Variants in LDB2 observed in about 807,000 individuals in gnomAD.
LDB2 encodes LIM domain-binding protein 2.
Under a neutral mutation model 44.3 loss-of-function variants are expected in LDB2, and 12 were observed. That is an observed-to-expected ratio of 0.27 (90% confidence interval 0.17 to 0.44). LDB2 has a LOEUF of 0.44. Among genes scored for constraint, LDB2 ranks in the 20% least tolerant of loss-of-function variants. The pLI is 1.00. For synonymous variants in LDB2, 164 were observed against 174.8 expected (o/e 0.94, Z 0.49); for missense variants, 344 against 473.5 (o/e 0.73, Z 2.54).
intron 5 of LDB2, among the ~76,000 whole-genome samples, chr4:16,585,484 T>A (rs1315859449): frequency 2.0e-5 from 3 of 152,174 alleles, no homozygotes; most frequent in Admixed American, 2.0e-4. Flanking sequence ...CTTAGAAATA[T>A]CTGTGTTTCA....
At chr4:16,567,365 AGAGT>A (rs984128097) in intron 5 of LDB2, among the ~76,000 whole-genome samples, 36 of 87,598 alleles carry the variant, frequency 4.1e-4, no homozygotes, top group East Asian at 3.2e-3. Context: ...CTGCAGACAT[AGAGT>A]GTGTGTGTGT....
chr4:16,797,599 C>T (rs1382206952), intron 1 of LDB2, among the ~76,000 whole-genome samples: 1 of 152,048 alleles, frequency 6.6e-6, no homozygotes, highest in East Asian at 1.9e-4. Flanking sequence ...CTGTTACATT[C>T]TCGGGTCCTA....
intron 2 of LDB2, among the ~76,000 whole-genome samples, chr4:16,741,226 G>A (rs933211077): frequency 5.3e-5 from 8 of 152,134 alleles, no homozygotes; most frequent in Admixed American, 2.6e-4. Context: ...AAAGCACTAC[G>A]GTTTGTCAAC....
intron 2 of LDB2, among the ~76,000 whole-genome samples, chr4:16,644,582 C>G (rs1736156489): frequency 1.3e-5 from 2 of 152,096 alleles, no homozygotes. Flanking sequence ...CATGTGCCAC[C>G]ATGCCCAGCT....
At chr4:16,558,790 A>AC (rs1740835716) in intron 5 of LDB2, among the ~76,000 whole-genome samples, 1 of 152,198 alleles carries the variant, frequency 6.6e-6, no homozygotes, top group Non-Finnish European at 1.5e-5. Flanking sequence ...GAAGGAAAAA[A>AC]TGTTAAGGGC....
chr4:16,579,021 G>C (rs1010553620), intron 5 of LDB2, among the ~76,000 whole-genome samples: 1 of 152,152 alleles, frequency 6.6e-6, no homozygotes, highest in Non-Finnish European at 1.5e-5. Context: ...TAGAGAGTGG[G>C]GATGGTCACC....
intron 5 of LDB2, among the ~76,000 whole-genome samples, chr4:16,561,801 G>T (rs11931201): frequency 6.6e-6 from 1 of 152,128 alleles, no homozygotes; most frequent in Non-Finnish European, 1.5e-5. Flanking sequence ...GAGGCATCAC[G>T]CTACCTGACT....
intron 1 of LDB2, among the ~76,000 whole-genome samples, chr4:16,783,237 G>A (rs146100804): frequency 1.7e-3 from 261 of 152,324 alleles, no homozygotes; most frequent in African/African-American, 5.8e-3. Context: ...GTCTGAGGCC[G>A]GAAGAGCTCC....
At chr4:16,808,577 A>T (rs889104300) in intron 1 of LDB2, among the ~76,000 whole-genome samples, 1 of 152,220 alleles carries the variant, frequency 6.6e-6, no homozygotes, top group African/African-American at 2.4e-5. Context: ...CTAATGGAAG[A>T]TTCAAAGGAG....
chr4:16,667,880 T>A (rs147154118), intron 2 of LDB2, among the ~76,000 whole-genome samples: 4 of 152,188 alleles, frequency 2.6e-5, no homozygotes. Context: ...TGGCATGGCA[T>A]GTGTGGCCAA....
intron 2 of LDB2, among the ~76,000 whole-genome samples, chr4:16,699,679 G>A (rs157610): frequency 0.51 from 77,009 of 152,006 alleles, 19,768 homozygotes; most frequent in East Asian, 0.78. Context: ...AATAAAAACT[G>A]TAGAGAAAAG....
intron 2 of LDB2, among the ~76,000 whole-genome samples, chr4:16,629,735 G>C (rs112740634): frequency 1.3e-5 from 2 of 152,022 alleles, no homozygotes; most frequent in African/African-American, 4.8e-5. Context: ...GTGTACAGAA[G>C]AGCTTCAATG....
chr4:16,557,693 C>G (rs532932017), intron 5 of LDB2, among the ~76,000 whole-genome samples: 55 of 152,310 alleles, frequency 3.6e-4, no homozygotes, highest in African/African-American at 1.2e-3. Flanking sequence ...GTCCCTGTCT[C>G]ACAGCTTTGA....
intron 3 of LDB2, among the ~76,000 whole-genome samples, chr4:16,591,647 A>C (rs889586700): frequency 6.6e-5 from 10 of 152,218 alleles, no homozygotes; most frequent in Non-Finnish European, 1.3e-4. Flanking sequence ...CCCTGTACCC[A>C]GCATAGAAAT....
intron 7 of LDB2, chr4:16,507,275 G>C (rs1719857145): frequency 1.3e-5 from 2 of 152,126 alleles, no homozygotes; most frequent in Non-Finnish European, 2.9e-5. Context: ...TTCTAATGCA[G>C]TGGGAATGAA....
At chr4:16,774,080 G>C (rs2109371925) in intron 1 of LDB2, among the ~76,000 whole-genome samples, 1 of 147,700 alleles carries the variant, frequency 6.8e-6, no homozygotes, top group South Asian at 2.1e-4. Flanking sequence ...GCTTGAACCA[G>C]GGAGGCAGAG....
chr4:16,626,290 G>A (rs1212139833), intron 2 of LDB2, among the ~76,000 whole-genome samples: 1 of 152,114 alleles, frequency 6.6e-6, no homozygotes, highest in Non-Finnish European at 1.5e-5. Flanking sequence ...AGACTACTTG[G>A]AGAACATGAG....
chr4:16,860,263 T>A (rs191697469), intron 1 of LDB2, among the ~76,000 whole-genome samples: 1 of 152,186 alleles, frequency 6.6e-6, no homozygotes, highest in Non-Finnish European at 1.5e-5. Context: ...TAAATACTAA[T>A]GAGACCTTTA....
chr4:16,780,964 C>G (rs1050132859), intron 1 of LDB2, among the ~76,000 whole-genome samples: 1 of 152,116 alleles, frequency 6.6e-6, no homozygotes, highest in Admixed American at 6.5e-5. Flanking sequence ...GTCATCTTTC[C>G]ACTGAACCCC....
Sources: allele counts gnomAD v4.1 joint callset (sites outside exome capture counted in the v4.1 genomes callset), GRCh38; gene constraint gnomAD v4.1.1; transcripts MANE v1.5; gene names NCBI Gene and HGNC (gene_info 2026-07-23, HGNC 2026-07-21).